Variants in PPARGC1A observed in about 807,000 individuals in gnomAD.
PPARGC1A encodes peroxisome proliferator-activated receptor gamma coactivator 1-alpha.
Under a neutral mutation model 88.7 loss-of-function variants are expected in PPARGC1A, and 25 were observed. That is an observed-to-expected ratio of 0.28 (90% CI 0.21 to 0.39). The LOEUF (loss-of-function observed/expected upper bound fraction) is 0.39, where lower values mean the gene tolerates loss of function less well. Among genes scored for constraint, PPARGC1A ranks in the 10% least tolerant of loss-of-function variants. PPARGC1A has a pLI of 1.00. For missense variants in PPARGC1A, 880 were observed against 968.7 expected, an observed-to-expected ratio of 0.91 and a Z score of 1.22; for synonymous variants, 363 against 355.6, an observed-to-expected ratio of 1.02 and a Z score of -0.24.
chr4:24,432,899 C>A, the PPARGC1A span, among the ~76,000 whole-genome samples: 24 of 152,242 alleles, frequency 1.6e-4, no homozygotes, highest in Non-Finnish European at 2.5e-4. Flanking sequence ...TGGGAAGACA[C>A]ACCAGCCTCT....
At chr4:24,326,027 G>C in the PPARGC1A span, among the ~76,000 whole-genome samples, 6 of 143,018 alleles carry the variant, frequency 4.2e-5, no homozygotes, top group African/African-American at 1.8e-4. Context: ...TATAGCCGCT[G>C]ATCTCATTGA....
the PPARGC1A span, among the ~76,000 whole-genome samples, chr4:24,461,252 T>C: frequency 6.6e-6 from 1 of 152,346 alleles, no homozygotes; most frequent in Non-Finnish European, 1.5e-5. Flanking sequence ...GCAAAGATCT[T>C]AATTATTATC....
the PPARGC1A span, among the ~76,000 whole-genome samples, chr4:23,934,438 AC>A: frequency 6.6e-6 from 1 of 151,484 alleles, no homozygotes; most frequent in African/African-American, 2.4e-5. Flanking sequence ...TCCCGCAACC[AC>A]CCCCTGCAGA....
At chr4:23,899,659 GAC>G (rs1171946718), upstream of PPARGC1A, among the ~76,000 whole-genome samples, 1 of 152,140 alleles carries the variant, frequency 6.6e-6, no homozygotes, top group African/African-American at 2.4e-5. Context: ...AAGGAAGCCA[GAC>G]ACACATAAAA....
chr4:24,012,606 G>A, the PPARGC1A span, among the ~76,000 whole-genome samples: 4 of 151,928 alleles, frequency 2.6e-5, no homozygotes, highest in African/African-American at 9.7e-5. Context: ...GAACTCAGTC[G>A]TGGCTTACTC....
the PPARGC1A span, among the ~76,000 whole-genome samples, chr4:24,123,927 A>AC: frequency 1.3e-5 from 2 of 148,642 alleles, no homozygotes; most frequent in Non-Finnish European, 3.0e-5. Context: ...AAAAAAAAAC[A>AC]AAAAAAACAG....
At chr4:24,033,406 G>GAC in the PPARGC1A span, among the ~76,000 whole-genome samples, 19 of 91,622 alleles carry the variant, frequency 2.1e-4, no homozygotes, top group South Asian at 1.5e-3. Context: ...GATGTAGACA[G>GAC]ACAGACACAC....
the PPARGC1A span, among the ~76,000 whole-genome samples, chr4:24,368,408 C>A: frequency 2.0e-5 from 3 of 152,246 alleles, no homozygotes; most frequent in East Asian, 5.8e-4. Flanking sequence ...TGGTAACCTG[C>A]ATGCAAATTT....
chr4:24,373,164 G>A, the PPARGC1A span, among the ~76,000 whole-genome samples: 546 of 152,330 alleles, frequency 3.6e-3, 1 homozygote, highest in Non-Finnish European at 5.1e-3. Context: ...CTCCTGCGGC[G>A]TGAGCAGCAG....
chr4:24,316,103 C>T, the PPARGC1A span, among the ~76,000 whole-genome samples: 1 of 152,164 alleles, frequency 6.6e-6, no homozygotes, highest in African/African-American at 2.4e-5. Flanking sequence ...CTCTTGGATT[C>T]CAGAATGATT....
At chr4:23,814,753 C>T in intron 7 of PPARGC1A, 148 bp from the exon 8 acceptor site, 1 of 770,474 alleles carries the variant, frequency 1.3e-6, no homozygotes, top group South Asian at 2.3e-5. Flanking sequence ...AAACTAATTT[C>T]ATGACAAGGC....
At chr4:24,399,786 A>C in the PPARGC1A span, among the ~76,000 whole-genome samples, 2 of 150,892 alleles carry the variant, frequency 1.3e-5, no homozygotes, top group Non-Finnish European at 2.9e-5. Context: ...CACCAAAGGA[A>C]TCTCCTTTTT....
chr4:24,024,603 A>G, the PPARGC1A span, among the ~76,000 whole-genome samples: 1 of 152,200 alleles, frequency 6.6e-6, no homozygotes, highest in Non-Finnish European at 1.5e-5. Flanking sequence ...GATCCACATC[A>G]TCCTGTCCAG....
the PPARGC1A span, among the ~76,000 whole-genome samples, chr4:24,099,003 TTA>T: frequency 6.6e-6 from 1 of 152,170 alleles, no homozygotes; most frequent in African/African-American, 2.4e-5. Context: ...TCCAGTATGT[TTA>T]TATCCTGTTC....
the PPARGC1A span, among the ~76,000 whole-genome samples, chr4:23,956,850 A>G: frequency 1.3e-5 from 2 of 152,102 alleles, no homozygotes; most frequent in African/African-American, 2.4e-5. Context: ...CATTGTAACC[A>G]TAGCCACAAA....
chr4:23,996,774 G>A, the PPARGC1A span, among the ~76,000 whole-genome samples: 1 of 152,132 alleles, frequency 6.6e-6, no homozygotes, highest in African/African-American at 2.4e-5. Flanking sequence ...CAGCATTAAT[G>A]CCCCCATTGG....
the PPARGC1A span, among the ~76,000 whole-genome samples, chr4:24,075,096 C>T: frequency 6.6e-6 from 1 of 152,174 alleles, no homozygotes; most frequent in Admixed American, 6.5e-5. Context: ...ATTCTACACC[C>T]TTTGCAGAAA....
chr4:23,999,389 T>G, the PPARGC1A span, among the ~76,000 whole-genome samples: 3 of 152,236 alleles, frequency 2.0e-5, no homozygotes, highest in Non-Finnish European at 4.4e-5. Flanking sequence ...TCTCCTTTCC[T>G]GTCTATTAGC....
At chr4:24,012,685 C>T in the PPARGC1A span, among the ~76,000 whole-genome samples, 1 of 152,088 alleles carries the variant, frequency 6.6e-6, no homozygotes, top group African/African-American at 2.4e-5. Context: ...CTGCCAAAAC[C>T]TTAGGAAATC....
Sources: allele counts gnomAD v4.1 joint callset (sites outside exome capture counted in the v4.1 genomes callset), GRCh38; gene constraint gnomAD v4.1.1; transcripts MANE v1.5; gene names NCBI Gene and HGNC (gene_info 2026-07-23, HGNC 2026-07-21).